The following RORA variants were observed in gnomAD, a reference collection of about 807,000 sequenced individuals.
The protein encoded by RORA is RAR related orphan receptor A.
In RORA, 7 loss-of-function variants were observed where a neutral mutation model predicts 69.5. The observed-to-expected ratio is 0.10, with a 90% CI of 0.06 to 0.19. The LOEUF (loss-of-function observed/expected upper bound fraction) is 0.19. RORA is among the 10% of genes least tolerant of loss of function. The pLI, the probability that RORA is intolerant of heterozygous loss-of-function variation, is 1.00. For missense variants in RORA, 457 were observed against 663.0 expected (o/e 0.69, Z 3.41); for synonymous variants, 261 against 240.8 (o/e 1.08, Z -0.78).
chr15:60,939,063 C>T (rs143193922), intron 1 of RORA, among the ~76,000 whole-genome samples: 103 of 152,322 alleles, frequency 6.8e-4, no homozygotes, highest in African/African-American at 2.3e-3. Flanking sequence ...CTTGCTACGT[C>T]CTGTAGCCAT....
intron 2 of RORA, chr15:60,592,778 C>T (rs1333004191): frequency 1.2e-4 from 97 of 790,814 alleles, no homozygotes; most frequent in Non-Finnish European, 1.5e-4. Flanking sequence ...CTCGCCCGGG[C>T]GCCCGCCTTC....
In RORA at chr15:61,059,907, CGAAGAAGAA is replaced by C. The variant is rs57030654; in HGVS notation, c.166+169137_166+169145del. Among the ~76,000 whole-genome samples the C allele has an allele frequency of 2.0e-4, 25 of 126,968 alleles. No homozygotes were observed. In the East Asian group the frequency reaches 3.1e-3, roughly 16 times the overall value. 83.3% of individuals were successfully genotyped at this position (126,968 alleles called of 152,430 possible). ...AAGGATGAATTAAAACAGTTCCACA[CGAAGAAGAA>C]GAAGAAGAAGAAGAAGAACAAGAAG... is the stretch of plus-strand genomic sequence containing the variant. On this transcript the variant is annotated intron_variant, in intron 1 of 10. Transcript: ENST00000335670.
rs565579408 is a variant in RORA, at chr15:60,603,963, C to G, written c.197-72112G>C. ...CAGCCCGGCCAACATGGTGAAACCC[C>G]GTCTCTACTGAAAATACAAAAGAAA... On this transcript the variant is annotated intron_variant, in intron 2 of 10. Transcript: ENST00000335670. 2.6e-5 allele frequency among the ~76,000 whole-genome samples: 4 copies of G among 151,830 alleles called. No individual in the cohort carries two copies. In the East Asian group the frequency reaches 7.8e-4, roughly 29 times the overall value.
In RORA at chr15:60,597,583, T is replaced by C. The variant is rs551425140; in HGVS notation, c.197-65732A>G. ...ATATATATATATATATACACATATA[T>C]ATATATATATACACATATATATATA... On this transcript the variant is annotated intron_variant, in intron 2 of 10. Coordinates refer to ENST00000335670, the MANE Select transcript of RORA (RefSeq NM_134261.3). Among the ~76,000 whole-genome samples the C allele has an allele frequency of 6.0e-4, 13 of 21,548 alleles. 1 individual carries two copies. Among genetic ancestry groups the C allele is most frequent in the African/African-American group, 2.1e-3 (12 of 5,694 alleles). 14.1% of individuals were successfully genotyped at this position (21,548 alleles called of 152,430 possible).
chr15:60,936,660 G>A (rs74396535), intron 1 of RORA, among the ~76,000 whole-genome samples: 2,916 of 152,370 alleles, frequency 0.019, 99 homozygotes, highest in African/African-American at 0.066. Flanking sequence ...GACGGGCACT[G>A]CCTGTGACCA....
intron 1 of RORA, among the ~76,000 whole-genome samples, chr15:61,135,883 C>T (rs889086712): frequency 1.3e-5 from 2 of 152,220 alleles, no homozygotes; most frequent in Middle Eastern, 3.4e-3. Flanking sequence ...TTGCTGCCAC[C>T]TTTGAAACAC....
At chr15:60,615,405 G>T (rs1194345202) in intron 2 of RORA, among the ~76,000 whole-genome samples, 3 of 152,170 alleles carry the variant, frequency 2.0e-5, no homozygotes, top group African/African-American at 7.2e-5. Context: ...TGCAACAAGT[G>T]TAAAATGAGA....
At chr15:60,558,739 C>T (rs1411183065) in intron 2 of RORA, among the ~76,000 whole-genome samples, 1 of 152,206 alleles carries the variant, frequency 6.6e-6, no homozygotes, top group Non-Finnish European at 1.5e-5. Flanking sequence ...GAATTTCCTT[C>T]ACTGTCTCAG....
chr15:60,689,719 G>A (rs542995875), intron 1 of RORA, among the ~76,000 whole-genome samples: 86 of 152,280 alleles, frequency 5.6e-4, no homozygotes, highest in African/African-American at 1.9e-3. Context: ...GAAGGAGAGG[G>A]AGATGTGCAT....
intron 1 of RORA, among the ~76,000 whole-genome samples, chr15:60,845,196 T>C (rs922541762): frequency 1.3e-5 from 2 of 152,226 alleles, no homozygotes; most frequent in Non-Finnish European, 2.9e-5. Flanking sequence ...CTGCCTGCTA[T>C]GTGAAGGCTC....
At chr15:60,653,546 C>A (rs2070177531) in intron 2 of RORA, among the ~76,000 whole-genome samples, 1 of 152,176 alleles carries the variant, frequency 6.6e-6, no homozygotes, top group Non-Finnish European at 1.5e-5. Context: ...ATGGAGGAAG[C>A]ACATACTTAT....
Position 60,495,029 on chromosome 15 carries a change from G to T in RORA, c.*2426C>A, listed in dbSNP as rs1159499359. The T allele has an allele frequency of 1.3e-5, 2 of 152,040 alleles. No individual in the cohort carries two copies. The highest frequency in any genetic ancestry group is 2.4e-5 in the African/African-American group (1 of 41,400). The allele number at this position is 152,040 out of a possible 1,614,324, so 9.4% of individuals were successfully genotyped here. A position where few individuals can be genotyped will look rare whatever the true frequency, so the allele number is the denominator to read the frequency against. ...ATATTCAGAAAGCTTTGGTTAAAAA[G>T]AAGTTAATATACTTTAATAAAACCA... On this transcript the variant is annotated 3_prime_UTR_variant, in exon 11 of 11. Transcript: ENST00000335670.
At chr15:61,031,849 CAA>C (rs1196704821) in intron 1 of RORA, among the ~76,000 whole-genome samples, 1 of 152,132 alleles carries the variant, frequency 6.6e-6, no homozygotes, top group Non-Finnish European at 1.5e-5. Context: ...TCTTCTTATG[CAA>C]AAGACTATAT....
intron 1 of RORA, among the ~76,000 whole-genome samples, chr15:60,856,154 A>T (rs906195382): frequency 6.6e-6 from 1 of 152,122 alleles, no homozygotes; most frequent in Non-Finnish European, 1.5e-5. Context: ...ATCCCTACCA[A>T]CTGGGGAAAC....
intron 1 of RORA, among the ~76,000 whole-genome samples, chr15:60,894,285 AT>A (rs1303804824): frequency 6.6e-6 from 1 of 152,228 alleles, no homozygotes; most frequent in Non-Finnish European, 1.5e-5. Flanking sequence ...ATCAAGAATA[AT>A]TTAAAATGCA....
intron 1 of RORA, among the ~76,000 whole-genome samples, chr15:60,772,834 G>T (rs1025106762): frequency 1.3e-5 from 2 of 152,156 alleles, no homozygotes; most frequent in African/African-American, 4.8e-5. Flanking sequence ...CCACATTCCA[G>T]GCTCAATTAG....
chr15:60,681,927 C>T (rs2070647924), intron 1 of RORA: 1 of 152,100 alleles, frequency 6.6e-6, no homozygotes, highest in African/African-American at 2.4e-5. Flanking sequence ...AGATAAACTA[C>T]AATAAGTCTC....
In RORA at chr15:60,836,037, G is replaced by C. The variant is rs139771359; in HGVS notation, c.167-157351C>G. Among the ~76,000 whole-genome samples, 95 of 152,226 alleles carry C rather than the reference G, an allele frequency of 6.2e-4. No homozygotes were observed. In the East Asian group the frequency reaches 0.015, roughly 24 times the overall value. ...ACTTCATTACACTGACCTCTTTTAG[G>C]GTGTCCACCAGTGACAGGCATATTT... On this transcript the variant is annotated intron_variant, in intron 1 of 10. Coordinates refer to ENST00000335670, the MANE Select transcript of RORA (RefSeq NM_134261.3).
chr15:60,671,067 G>GATATATATATAT lies in RORA; in HGVS notation c.196+7578_196+7589dup, dbSNP rs10577286. 9.1e-3 allele frequency among the ~76,000 whole-genome samples: 1,108 copies of GATATATATATAT among 122,062 alleles called. 43 individuals carry two copies. Among genetic ancestry groups the GATATATATATAT allele is most frequent in the East Asian group, 0.018 (81 of 4,396 alleles). 80.1% of individuals were successfully genotyped at this position (122,062 alleles called of 152,430 possible). On this transcript the variant is annotated intron_variant, in intron 2 of 10. Transcript: ENST00000335670. ...TCTTATATCTCCTATATATCCCATT[G>GATATATATATAT]ATATATATATATATATATATATATA...
Sources: gnomAD v4.1 joint callset for allele counts (sites outside exome capture counted in the v4.1 genomes callset) on GRCh38, gnomAD v4.1.1 for gene constraint, MANE v1.5 for transcripts, NCBI Gene and HGNC (gene_info 2026-07-23, HGNC 2026-07-21) for gene names.